The following ZC3H11A variants were observed in gnomAD, a reference collection of about 807,000 sequenced individuals.
ZC3H11A encodes the protein zinc finger CCCH domain-containing protein 11A.
ZC3H11A carries 22 observed loss-of-function variants against 90.8 expected under a neutral mutation model. The ratio of observed to expected loss-of-function variants is 0.24; its 90% CI spans 0.17 to 0.35. The LOEUF is 0.35. Ranked by LOEUF, ZC3H11A falls within the 10% of genes least tolerant of loss-of-function variation. The probability of loss-of-function intolerance (pLI) is 1.00; values close to 1 mark genes in which losing one functional copy is unlikely to be tolerated. For missense variants in ZC3H11A, 701 were observed against 964.9 expected (o/e 0.73, Z 3.62); for synonymous variants, 294 against 339.8 (o/e 0.87, Z 1.48).
intron 3 of ZC3H11A, among the ~76,000 whole-genome samples, chr1:203,817,572 A>G (rs2102778136): frequency 6.6e-6 from 1 of 152,238 alleles, no homozygotes; most frequent in African/African-American, 2.4e-5. Flanking sequence ...CTAAGAATAT[A>G]GAGTCATCAT....
At chr1:203,841,270 G>T (rs1326281623) in intron 12 of ZC3H11A, among the ~76,000 whole-genome samples, 6 of 151,958 alleles carry the variant, frequency 3.9e-5, no homozygotes, top group Non-Finnish European at 8.8e-5. Flanking sequence ...GTGAACAAGG[G>T]TCTGTGGTTT....
At chr1:203,841,813 G>A (rs1686339814) in intron 12 of ZC3H11A, among the ~76,000 whole-genome samples, 1 of 146,272 alleles carries the variant, frequency 6.8e-6, no homozygotes, top group Non-Finnish European at 1.5e-5. Context: ...CGGGGCGGCT[G>A]CCGGGCGGAG....
At chr1:203,826,806 T>C (rs1249109703) in intron 4 of ZC3H11A, among the ~76,000 whole-genome samples, 3 of 152,220 alleles carry the variant, frequency 2.0e-5, no homozygotes, top group Non-Finnish European at 4.4e-5. Context: ...TCATATCTTT[T>C]TTCCCCCTTT....
intron 10 of ZC3H11A, among the ~76,000 whole-genome samples, chr1:203,837,205 C>T (rs546878682): frequency 2.0e-5 from 3 of 150,978 alleles, no homozygotes; most frequent in African/African-American, 7.3e-5. Flanking sequence ...GTGGGAGGAT[C>T]GCTTGAGCCT....
intron 2 of ZC3H11A, among the ~76,000 whole-genome samples, chr1:203,807,931 T>G (rs1237099917): frequency 2.0e-5 from 3 of 151,386 alleles, no homozygotes; most frequent in Admixed American, 6.6e-5. Context: ...GTGTAGAAAC[T>G]AGGTCTCATT....
chr1:203,798,422 C>T, intron 1 of ZC3H11A: 1 of 1,534,384 alleles, frequency 6.5e-7, no homozygotes, highest in Non-Finnish European at 8.7e-7. Flanking sequence ...CAGGGTCCCA[C>T]TTAGGGACTT....
intron 2 of ZC3H11A, among the ~76,000 whole-genome samples, chr1:203,809,904 A>G (rs910841687): frequency 2.6e-5 from 4 of 152,198 alleles, no homozygotes; most frequent in Admixed American, 6.5e-5. Flanking sequence ...CAGTAAGTCA[A>G]GATCACGCAA....
At position 203,851,235 on chromosome 1, in the gene ZC3H11A, C is replaced by T. The variant is rs143627973; in HGVS notation, c.2174+111C>T. 76 of 963,008 alleles carry T rather than the reference C, an allele frequency of 7.9e-5. No individual in the cohort carries two copies. In the African/African-American group the frequency reaches 1.1e-3, roughly 14 times the overall value. 59.7% of individuals were successfully genotyped at this position (963,008 alleles called of 1,614,324 possible). ...TAGCAACATTCAAATAAATCTGTTG[C>T]ACTTCAAATTAATTGCAAGAAAGTA... On this transcript the variant is annotated intron_variant, in intron 17 of 17. Coordinates refer to ENST00000367210, the MANE Select transcript of ZC3H11A (RefSeq NM_001376342.1).
At chr1:203,834,300 CTTGTT>C (rs1450854624) in intron 10 of ZC3H11A, among the ~76,000 whole-genome samples, 4 of 152,264 alleles carry the variant, frequency 2.6e-5, no homozygotes, top group Non-Finnish European at 5.9e-5. Flanking sequence ...AGACAAGAGT[CTTGTT>C]TTGTTACCCA....
At chr1:203,835,151 C>T (rs1346743962) in intron 10 of ZC3H11A, among the ~76,000 whole-genome samples, 1 of 152,194 alleles carries the variant, frequency 6.6e-6, no homozygotes, top group Non-Finnish European at 1.5e-5. Flanking sequence ...ATCAGTTATG[C>T]ACTTTACGCT....
At chr1:203,796,153 CCCCCGAAT>C in intron 1 of ZC3H11A, 1 of 288,864 alleles carries the variant, frequency 3.5e-6, no homozygotes, top group Non-Finnish European at 6.4e-6. Context: ...ACCGACTGTT[CCCCCGAAT>C]CCCGAAGAGA....
intron 12 of ZC3H11A, among the ~76,000 whole-genome samples, chr1:203,843,468 A>G (rs991620637): frequency 6.6e-6 from 1 of 152,130 alleles, no homozygotes; most frequent in Non-Finnish European, 1.5e-5. Context: ...GTTTTTGGCT[A>G]ACCTTCTGTG....
At chr1:203,812,654 T>C (rs1328653978) in intron 2 of ZC3H11A, among the ~76,000 whole-genome samples, 3 of 144,954 alleles carry the variant, frequency 2.1e-5, no homozygotes, top group Non-Finnish European at 3.0e-5. Flanking sequence ...TGATCTCGGC[T>C]CACTGCAGCC....
At chr1:203,847,160 CAT>C (rs1447832174) in intron 12 of ZC3H11A, 22 bp from the exon 13 acceptor site, 5 of 1,609,572 alleles carry the variant, frequency 3.1e-6, no homozygotes, top group African/African-American at 2.7e-5. Flanking sequence ...AGTATAATGA[CAT>C]GTTTTTCTCC....
intron 2 of ZC3H11A, chr1:203,805,849 G>T: frequency 2.2e-6 from 2 of 903,016 alleles, no homozygotes; most frequent in African/African-American, 1.7e-5. Flanking sequence ...GATTTCATTT[G>T]CATCTTCCAT....
At chr1:203,800,298 C>T (rs900024287) in intron 1 of ZC3H11A, 1 of 913,530 alleles carries the variant, frequency 1.1e-6, no homozygotes, top group South Asian at 1.4e-5. Context: ...TAGCCACTTT[C>T]ATCCAAAACA....
intron 2 of ZC3H11A, among the ~76,000 whole-genome samples, chr1:203,815,442 C>T (rs113868031): frequency 0.11 from 16,515 of 145,362 alleles, 1,156 homozygotes; most frequent in Non-Finnish European, 0.15. Flanking sequence ...TGGTCTCGAA[C>T]TCCTGGACTC....
At chr1:203,835,095 C>T (rs137911092) in intron 10 of ZC3H11A, among the ~76,000 whole-genome samples, 4 of 152,320 alleles carry the variant, frequency 2.6e-5, no homozygotes, top group African/African-American at 9.6e-5. Context: ...TGAACTTAGT[C>T]ACATTTCAAA....
chr1:203,816,625 T>G (rs376057207), intron 2 of ZC3H11A, among the ~76,000 whole-genome samples: 1 of 152,098 alleles, frequency 6.6e-6, no homozygotes, highest in Non-Finnish European at 1.5e-5. Flanking sequence ...AGTGAGACAC[T>G]GTCTCTAAAA....
Sources: allele counts gnomAD v4.1 joint callset (sites outside exome capture counted in the v4.1 genomes callset), GRCh38; gene constraint gnomAD v4.1.1; transcripts MANE v1.5; gene names NCBI Gene and HGNC (gene_info 2026-07-23, HGNC 2026-07-21).